YLPM1: variants seen among roughly 807,000 people sequenced by gnomAD.
YLPM1 encodes YLP motif-containing protein 1.
YLPM1 carries 99 observed loss-of-function variants against 230.0 expected under a neutral mutation model. That is an observed-to-expected ratio of 0.43 (90% confidence interval 0.37 to 0.51). The LOEUF is 0.51. YLPM1 is among the 20% of genes least tolerant of loss of function. The pLI is 0.00. For synonymous variants in YLPM1, 984 were observed against 942.5 expected, an observed-to-expected ratio of 1.04 and a Z score of -0.81; for missense variants, 2,592 against 2,707.7, an observed-to-expected ratio of 0.96 and a Z score of 0.95.
At chr14:74,785,644 A>G in intron 4 of YLPM1, among the ~76,000 whole-genome samples, 1 of 152,158 alleles carries the variant, frequency 6.6e-6, no homozygotes, top group Non-Finnish European at 1.5e-5. Flanking sequence ...TATAACTGAT[A>G]TGAGAAGCCA....
At chr14:74,824,942 A>G (rs917676024) in intron 18 of YLPM1, among the ~76,000 whole-genome samples, 2 of 152,148 alleles carry the variant, frequency 1.3e-5, no homozygotes, top group African/African-American at 2.4e-5. Context: ...TACATATCCA[A>G]TGGATTCCCT....
At chr14:74,806,347 A>T (rs981935237) in intron 6 of YLPM1, among the ~76,000 whole-genome samples, 2 of 151,524 alleles carry the variant, frequency 1.3e-5, no homozygotes, top group Admixed American at 1.3e-4. Flanking sequence ...ACAGATCAAG[A>T]CTCTGTCTCA....
At position 74,836,163 on chromosome 14, in the gene YLPM1, G is replaced by A. The variant is rs2091642483; in HGVS notation, c.*425G>A. ...AAAAACAATAAACTTTCATGATAAA[G>A]CCGATGAGATTCATGGGCTATACAG... On this transcript the variant is annotated 3_prime_UTR_variant, in exon 21 of 21. Coordinates refer to ENST00000325680, the MANE Select transcript of YLPM1 (RefSeq NM_019589.3). 1 of 193,390 alleles carries A rather than the reference G, an allele frequency of 5.2e-6. No homozygotes were observed. The highest frequency in any genetic ancestry group is 8.7e-5 in the South Asian group (1 of 11,532). 12.0% of individuals were successfully genotyped at this position (193,390 alleles called of 1,614,324 possible).
chr14:74,774,060 A>G (rs549559660), intron 1 of YLPM1, among the ~76,000 whole-genome samples: 11 of 152,094 alleles, frequency 7.2e-5, no homozygotes, highest in African/African-American at 2.7e-4. Flanking sequence ...AAAAGTACAG[A>G]TACTCTTTGA....
chr14:74,767,351 AGT>A (rs1407013661), intron 1 of YLPM1, among the ~76,000 whole-genome samples: 1 of 152,198 alleles, frequency 6.6e-6, no homozygotes, highest in Non-Finnish European at 1.5e-5. Context: ...TTGACTCAAC[AGT>A]GTTGTTGTTT....
chr14:74,780,355 T>G, intron 2 of YLPM1, 50 bp from the exon 3 acceptor site: 1 of 1,548,552 alleles, frequency 6.5e-7, no homozygotes, highest in East Asian at 2.3e-5. Flanking sequence ...AAAATATTTT[T>G]GCTTGCTGTT....
At chr14:74,799,722 T>G (rs2091306886) in intron 5 of YLPM1, 25 bp downstream of exon 5, 3 of 1,563,862 alleles carry the variant, frequency 1.9e-6, no homozygotes, top group African/African-American at 2.7e-5. Context: ...TCAGATCCTT[T>G]CTTTTAATAA....
At chr14:74,780,949 C>T (rs2091086324) in intron 3 of YLPM1, among the ~76,000 whole-genome samples, 1 of 152,100 alleles carries the variant, frequency 6.6e-6, no homozygotes, top group South Asian at 2.1e-4. Flanking sequence ...AGCAAATATA[C>T]CGTAAAAGAT....
At chr14:74,770,973 G>A (rs142169210) in intron 1 of YLPM1, among the ~76,000 whole-genome samples, 98 of 152,324 alleles carry the variant, frequency 6.4e-4, no homozygotes, top group African/African-American at 2.3e-3. Context: ...AGTGGGAAGA[G>A]TGGAGAAATA....
chr14:74,816,163 C>G, intron 11 of YLPM1, 40 bp from the exon 12 acceptor site: 2 of 1,520,290 alleles, frequency 1.3e-6, no homozygotes, highest in Non-Finnish European at 1.8e-6. Flanking sequence ...AAAATTTTCT[C>G]TCAGTGATTT....
chr14:74,763,964 C>A lies in YLPM1; in HGVS notation c.475C>A (p.Pro159Thr). ...CCCTGTGCCGCCTGGGTCCTATATG[C>A]CCCCATCTCAGTCTTACATGCCCCC... ...SPPVPPGSYMPPSQSYMPPPQ... is the reference protein window; with the variant it reads ...SPPVPPGSYMTPSQSYMPPPQ... The change falls in exon 1 of 21, where the codon CCC becomes ACC. Residue 159 changes from proline (P) to threonine (T), a missense_variant. By Grantham distance (38) the Pro-to-Thr change is conservative (BLOSUM62 -1). Around this residue, in one of 4 missense-constraint regions of YLPM1, gnomAD observed 1,862 missense variants for 1,819.8 expected, o/e 1.02. Coordinates refer to ENST00000325680, the MANE Select transcript of YLPM1 (RefSeq NM_019589.3). 1.5e-6 allele frequency: 2 copies of A among 1,303,868 alleles called. No homozygotes were observed. Among genetic ancestry groups the A allele is most frequent in the Non-Finnish European group, 2.0e-6 (2 of 987,200 alleles). The allele number at this position is 1,303,868 out of a possible 1,614,324, so 80.8% of individuals were successfully genotyped here.
At chr14:74,824,010 G>A in intron 17 of YLPM1, 1 of 417,078 alleles carries the variant, frequency 2.4e-6, no homozygotes, top group Non-Finnish European at 4.4e-6. Context: ...AACTGTAGCT[G>A]CCTCAAAGCG....
At position 74,782,334 on chromosome 14, in the gene YLPM1, G is replaced by C. The variant is rs1326561852; in HGVS notation, c.2282+9G>C. ...AGTCCAAGAGGCCCAAGGTAGGTCT[G>C]CTTTTTTTTCTCTTTTTTTTTGGTT... On this transcript the variant is annotated intron_variant, in intron 4 of 20. Transcript: ENST00000325680. 5 of 1,476,562 alleles carry C rather than the reference G, an allele frequency of 3.4e-6. No homozygotes were observed. The highest frequency in any genetic ancestry group is 1.5e-5 in the South Asian group (1 of 67,720). 91.5% of individuals were successfully genotyped at this position (1,476,562 alleles called of 1,614,324 possible).
Position 74,786,422 on chromosome 14 carries a change from T to C in YLPM1, c.2282+4097T>C, listed in dbSNP as rs183492632. Among the ~76,000 whole-genome samples, 40 of 150,578 alleles carry C rather than the reference T, an allele frequency of 2.7e-4. No homozygotes were observed. In the East Asian group the frequency reaches 7.6e-3, roughly 29 times the overall value. On this transcript the variant is annotated intron_variant, in intron 4 of 20. Coordinates refer to ENST00000325680, the MANE Select transcript of YLPM1 (RefSeq NM_019589.3). ...CACTACTAGATCAAGAAATAGGAAT[T>C]ACTGGTGCCCAAGAAATCTCCCTCA...
intron 17 of YLPM1, among the ~76,000 whole-genome samples, chr14:74,823,127 A>G (rs558732417): frequency 6.6e-6 from 1 of 152,074 alleles, no homozygotes; most frequent in Admixed American, 6.5e-5. Flanking sequence ...TAGACTAGAA[A>G]TGTATGAAAC....
At chr14:74,794,462 G>A (rs556271216) in intron 4 of YLPM1, among the ~76,000 whole-genome samples, 10 of 152,290 alleles carry the variant, frequency 6.6e-5, no homozygotes, top group African/African-American at 2.4e-4. Context: ...GATTACAGGC[G>A]TGAGCCACCG....
At chr14:74,821,271 AAGG>A in intron 17 of YLPM1, 134 bp downstream of exon 17, 1 of 1,291,138 alleles carries the variant, frequency 7.7e-7, no homozygotes, top group Non-Finnish European at 1.0e-6. Context: ...AATCATCTTC[AAGG>A]AGACTTTTGG....
Position 74,784,391 on chromosome 14 carries a change from T to C in YLPM1, c.2282+2066T>C, listed in dbSNP as rs191352106. On this transcript the variant is annotated intron_variant, in intron 4 of 20. Transcript: ENST00000325680. Reference sequence around the variant, plus strand: ...CCATTTCAGTTTGTCACAATGAGTCTTGCACATATCATCTTATTTATTCCT... The same window carrying C: ...CCATTTCAGTTTGTCACAATGAGTCCTGCACATATCATCTTATTTATTCCT... Among the ~76,000 whole-genome samples the C allele has an allele frequency of 3.3e-5, 5 of 152,360 alleles. No homozygotes were observed. In the East Asian group the frequency reaches 9.6e-4, roughly 29 times the overall value.
rs746610918 is a variant in YLPM1, at chr14:74,811,708, C to T, written c.5317C>T (p.Pro1773Ser). 2 of 1,611,316 alleles carry T rather than the reference C, an allele frequency of 1.2e-6. No homozygotes were observed. Among genetic ancestry groups the T allele is most frequent in the East Asian group, 2.2e-5 (1 of 44,806 alleles). ...RPSYDRKSDR[P>S]VYEGPSMFGG... ...ATCCTATGACCGGAAGTCTGACCGA[C>T]CAGTCTATGAAGGACCATCCATGTT... The change falls in exon 10 of 21, where the codon CCA becomes TCA. Residue 1773 changes from proline to serine, a missense_variant. Coordinates refer to ENST00000325680, the MANE Select transcript of YLPM1 (RefSeq NM_019589.3).
Sources: gnomAD v4.1 joint callset for allele counts (sites outside exome capture counted in the v4.1 genomes callset) on GRCh38, gnomAD v4.1.1 for gene constraint, gnomAD v4.1.1 regional missense constraint, MANE v1.5 for transcripts, NCBI Gene and HGNC (gene_info 2026-07-23, HGNC 2026-07-21) for gene names.